PITPNA: variants seen among roughly 807,000 people sequenced by gnomAD.
PITPNA encodes the protein phosphatidylinositol transfer protein alpha isoform.
Under a neutral mutation model 50.3 loss-of-function variants are expected in PITPNA, and 13 were observed. The observed-to-expected ratio is 0.26, with a 90% CI of 0.17 to 0.41. PITPNA has a LOEUF of 0.41. Among genes scored for constraint, PITPNA ranks in the 10% least tolerant of loss-of-function variants. The pLI is 1.00. For missense variants in PITPNA, 207 were observed against 333.4 expected, an observed-to-expected ratio of 0.62 and a Z score of 2.95; for synonymous variants, 120 against 119.6, an observed-to-expected ratio of 1.00 and a Z score of -0.02.
At chr17:1,521,124 T>TATA (rs2075509034) in intron 11 of PITPNA, among the ~76,000 whole-genome samples, 1 of 151,360 alleles carries the variant, frequency 6.6e-6, no homozygotes, top group Non-Finnish European at 1.5e-5. Context: ...GGATCGGGGG[T>TATA]ATAAAGAAGG....
At chr17:1,535,656 T>C in intron 7 of PITPNA, 138 bp from the exon 8 acceptor site, 2 of 681,906 alleles carry the variant, frequency 2.9e-6, no homozygotes, top group East Asian at 2.7e-5. Flanking sequence ...GAAAATGTTA[T>C]AAACAAGATG....
intron 10 of PITPNA, among the ~76,000 whole-genome samples, chr17:1,522,843 G>T (rs1365609200): frequency 2.0e-5 from 3 of 152,344 alleles, no homozygotes; most frequent in African/African-American, 7.2e-5. Flanking sequence ...GATACAGAAT[G>T]ACTGTGGGTA....
intron 4 of PITPNA, among the ~76,000 whole-genome samples, chr17:1,546,909 C>T (rs1477019300): frequency 1.3e-5 from 2 of 152,174 alleles, no homozygotes; most frequent in Non-Finnish European, 2.9e-5. Context: ...AATAATTATA[C>T]CTGTATCCTC....
At chr17:1,524,200 A>C (rs1470279392) in intron 10 of PITPNA, among the ~76,000 whole-genome samples, 2 of 150,978 alleles carry the variant, frequency 1.3e-5, no homozygotes, top group African/African-American at 4.9e-5. Flanking sequence ...GCCCACCAAC[A>C]CGCCCGGCTA....
At chr17:1,536,970 C>T (rs548841149) in intron 7 of PITPNA, among the ~76,000 whole-genome samples, 1 of 149,984 alleles carries the variant, frequency 6.7e-6, no homozygotes, top group Non-Finnish European at 1.5e-5. Context: ...ACAATCTCAG[C>T]TCAATGGAAC....
At chr17:1,539,312 G>A (rs1020246727) in intron 6 of PITPNA, among the ~76,000 whole-genome samples, 3 of 151,572 alleles carry the variant, frequency 2.0e-5, no homozygotes, top group African/African-American at 7.3e-5. Flanking sequence ...TCCTGCCTAG[G>A]CCCGAGTGAT....
At chr17:1,546,171 C>T (rs1236746084) in intron 4 of PITPNA, among the ~76,000 whole-genome samples, 4 of 152,008 alleles carry the variant, frequency 2.6e-5, no homozygotes, top group South Asian at 2.1e-4. Flanking sequence ...TCAAGTAATC[C>T]GCCTGCCTCA....
intron 4 of PITPNA, among the ~76,000 whole-genome samples, chr17:1,547,357 C>CA (rs2075680605): frequency 6.6e-6 from 1 of 151,824 alleles, no homozygotes; most frequent in Admixed American, 6.6e-5. Flanking sequence ...CAGAGTGAGA[C>CA]AAAAAAAGCA....
chr17:1,558,230 C>CAA (rs11427981), intron 2 of PITPNA, among the ~76,000 whole-genome samples: 45,602 of 103,758 alleles, frequency 0.44, 10,242 homozygotes, highest in East Asian at 0.74. Flanking sequence ...GACTCCGTCT[C>CAA]AAAAAAAAAA....
chr17:1,533,039 G>A (rs1024760225), intron 10 of PITPNA, among the ~76,000 whole-genome samples: 4 of 152,096 alleles, frequency 2.6e-5, no homozygotes, highest in Non-Finnish European at 4.4e-5. Context: ...CAGCATGGGC[G>A]CCCAAGCCTG....
intron 2 of PITPNA, among the ~76,000 whole-genome samples, chr17:1,557,542 G>C (rs1164190204): frequency 6.6e-6 from 1 of 152,212 alleles, no homozygotes; most frequent in Non-Finnish European, 1.5e-5. Flanking sequence ...CAAAGAACAA[G>C]GCTGCGCCAG....
intron 10 of PITPNA, among the ~76,000 whole-genome samples, chr17:1,523,223 T>A (rs968282915): frequency 4.6e-5 from 7 of 152,374 alleles, no homozygotes; most frequent in African/African-American, 1.7e-4. Flanking sequence ...CCATTCTATG[T>A]GAAGAATGTC....
chr17:1,552,995 G>A lies in PITPNA; in HGVS notation c.197+9C>T. The A allele has an allele frequency of 6.2e-7, 1 of 1,613,448 alleles. No homozygotes were observed. Among genetic ancestry groups the A allele is most frequent in the Non-Finnish European group, 8.5e-7 (1 of 1,179,542 alleles). On this transcript the variant is annotated intron_variant, in intron 3 of 11. Coordinates refer to ENST00000313486, the MANE Select transcript of PITPNA (RefSeq NM_006224.4). The stretch of plus-strand genomic sequence containing the variant: ...GCCAGCATCCGGCCCCGCTGCTCAT[G>A]CCGCATACCTCTGCAGGTGGTAGAT...
At chr17:1,558,665 A>T (rs2075751838) in intron 1 of PITPNA, 106 bp from the exon 2 acceptor site, 1 of 808,980 alleles carries the variant, frequency 1.2e-6, no homozygotes, top group African/African-American at 1.7e-5. Context: ...TGTGTAAGAC[A>T]CTAAATTCAG....
At chr17:1,554,008 T>C (rs987199846) in intron 2 of PITPNA, among the ~76,000 whole-genome samples, 4 of 152,204 alleles carry the variant, frequency 2.6e-5, no homozygotes, top group Non-Finnish European at 5.9e-5. Context: ...AGTTTTCCTT[T>C]ATTTGGGTCA....
chr17:1,520,822 T>C (rs1011988378), intron 11 of PITPNA, among the ~76,000 whole-genome samples: 5 of 152,032 alleles, frequency 3.3e-5, no homozygotes, highest in African/African-American at 9.7e-5. Flanking sequence ...TCCTTGCCCG[T>C]AGGGTTAGAG....
chr17:1,539,356 G>A (rs971632524), intron 6 of PITPNA, among the ~76,000 whole-genome samples: 4 of 151,624 alleles, frequency 2.6e-5, no homozygotes, highest in Non-Finnish European at 5.9e-5. Flanking sequence ...AGCTGGGCCC[G>A]AGTGATCCTC....
chr17:1,560,451 G>C (rs912927760), intron 1 of PITPNA, among the ~76,000 whole-genome samples: 1 of 152,160 alleles, frequency 6.6e-6, no homozygotes, highest in African/African-American at 2.4e-5. Context: ...GGCACGAGTC[G>C]GGCAGGAAGG....
chr17:1,548,947 G>A (rs2075693153), intron 3 of PITPNA, among the ~76,000 whole-genome samples: 1 of 152,132 alleles, frequency 6.6e-6, no homozygotes, highest in Non-Finnish European at 1.5e-5. Flanking sequence ...TGTCGCCCAG[G>A]CTGGAGTGCA....
Sources: allele counts gnomAD v4.1 joint callset (sites outside exome capture counted in the v4.1 genomes callset), GRCh38; gene constraint gnomAD v4.1.1; transcripts MANE v1.5; gene names NCBI Gene and HGNC (gene_info 2026-07-23, HGNC 2026-07-21).